Variants in BRK1 observed in about 807,000 individuals in gnomAD.
BRK1 encodes the protein BRICK1 subunit of SCAR/WAVE actin nucleating complex, also known as protein BRICK1.
Under a neutral mutation model 9.9 loss-of-function variants are expected in BRK1, and 6 were observed. The observed-to-expected ratio is 0.60, with a 90% CI of 0.33 to 1.19. The LOEUF is 1.19. Among genes scored for constraint, BRK1 ranks in the 50% most tolerant of loss-of-function variants. BRK1 has a pLI of 0.04. For synonymous variants in BRK1, 44 were observed against 31.9 expected, an observed-to-expected ratio of 1.38 and a Z score of -1.28; for missense variants, 62 against 97.5, an observed-to-expected ratio of 0.64 and a Z score of 1.53.
intron 1 of BRK1, among the ~76,000 whole-genome samples, chr3:10,117,983 T>C (rs930983186): frequency 2.0e-5 from 3 of 152,132 alleles, no homozygotes; most frequent in East Asian, 1.9e-4. Context: ...AAGATTGGCA[T>C]GGTGGCTCAT....
intron 1 of BRK1, among the ~76,000 whole-genome samples, chr3:10,119,431 CTGGG>C (rs1421165470): frequency 1.3e-5 from 2 of 152,132 alleles, no homozygotes; most frequent in Non-Finnish European, 2.9e-5. Flanking sequence ...GTACTCCAGC[CTGGG>C]TGACAGAGTG....
intron 1 of BRK1, 33 bp from the exon 2 acceptor site, chr3:10,125,593 C>T (rs1477563928): frequency 1.4e-6 from 2 of 1,389,458 alleles, no homozygotes; most frequent in Non-Finnish European, 2.0e-6. Flanking sequence ...TTTGGAGTGA[C>T]ATTAATCCTG....
intron 1 of BRK1, among the ~76,000 whole-genome samples, chr3:10,125,360 C>G (rs1001928876): frequency 1.3e-5 from 2 of 152,120 alleles, no homozygotes; most frequent in Non-Finnish European, 2.9e-5. Context: ...CCGCCTAGTC[C>G]TCCCAAAGTG....
chr3:10,116,064 C>G (rs1190716846), intron 1 of BRK1, among the ~76,000 whole-genome samples: 5 of 152,130 alleles, frequency 3.3e-5, no homozygotes, highest in Admixed American at 2.0e-4. Flanking sequence ...ATCCATTCTA[C>G]AAGTCCTTCT....
At chr3:10,117,393 C>CTTTTTT (rs756307171) in intron 1 of BRK1, among the ~76,000 whole-genome samples, 4 of 118,650 alleles carry the variant, frequency 3.4e-5, no homozygotes, top group African/African-American at 6.5e-5. Context: ...TCAACAAATT[C>CTTTTTT]TTTTTTTTTT....
At chr3:10,124,514 C>A (rs748307370) in intron 1 of BRK1, among the ~76,000 whole-genome samples, 1 of 152,056 alleles carries the variant, frequency 6.6e-6, no homozygotes, top group Non-Finnish European at 1.5e-5. Context: ...AAACCACATA[C>A]ATTTATTATT....
chr3:10,119,448 A>T (rs1695729800), intron 1 of BRK1, among the ~76,000 whole-genome samples: 1 of 152,054 alleles, frequency 6.6e-6, no homozygotes, highest in African/African-American at 2.4e-5. Flanking sequence ...ACAGAGTGAG[A>T]CTCTCTCTCA....
chr3:10,124,222 A>G (rs748805237), intron 1 of BRK1, among the ~76,000 whole-genome samples: 7 of 151,554 alleles, frequency 4.6e-5, no homozygotes, highest in Non-Finnish European at 8.8e-5. Flanking sequence ...TGGGAGGCCA[A>G]GGCGGGCGGA....
chr3:10,120,740 A>G (rs1219558364), intron 1 of BRK1, among the ~76,000 whole-genome samples: 1 of 152,112 alleles, frequency 6.6e-6, no homozygotes, highest in Non-Finnish European at 1.5e-5. Context: ...GCAGTTGAAC[A>G]TTTTCTATTT....
rs1695843655 is a variant in BRK1, at chr3:10,126,557, A to AT, written c.*265dup. 1 of 406,584 alleles carries AT rather than the reference A, an allele frequency of 2.5e-6. No individual in the cohort carries two copies. The highest frequency in any genetic ancestry group is 4.4e-6 in the Non-Finnish European group (1 of 226,652). The allele number at this position is 406,584 out of a possible 1,614,324, so 25.2% of individuals were successfully genotyped here. On this transcript the variant is annotated 3_prime_UTR_variant, in exon 3 of 3. Coordinates refer to ENST00000530758, the MANE Select transcript of BRK1 (RefSeq NM_018462.5). ...ATTTTATACATCTACTTGTCAATGT[A>AT]TTTGAGACATTCACAGCCAAAAGCC...
At chr3:10,116,046 C>T (rs1159262226) in intron 1 of BRK1, among the ~76,000 whole-genome samples, 3 of 152,174 alleles carry the variant, frequency 2.0e-5, no homozygotes, top group Non-Finnish European at 2.9e-5. Context: ...TTCCTGCCAT[C>T]CCTCTGGATC....
At chr3:10,116,097 A>G (rs966380529) in intron 1 of BRK1, among the ~76,000 whole-genome samples, 4 of 151,970 alleles carry the variant, frequency 2.6e-5, no homozygotes, top group Admixed American at 2.0e-4. Context: ...AGGCAGCCCC[A>G]TCCTCGCTCC....
chr3:10,116,958 C>T (rs1695694266), intron 1 of BRK1, among the ~76,000 whole-genome samples: 1 of 152,262 alleles, frequency 6.6e-6, no homozygotes, highest in East Asian at 1.9e-4. Context: ...GGACTATAAT[C>T]GTGGCTGAGT....
chr3:10,116,333 GTC>G (rs1695684479), intron 1 of BRK1, among the ~76,000 whole-genome samples: 1 of 152,108 alleles, frequency 6.6e-6, no homozygotes, highest in Non-Finnish European at 1.5e-5. Flanking sequence ...TGTTTCCTGT[GTC>G]TGCTGCGGTG....
chr3:10,122,418 A>G (rs1349816503), intron 1 of BRK1, among the ~76,000 whole-genome samples: 2 of 152,142 alleles, frequency 1.3e-5, no homozygotes, highest in African/African-American at 2.4e-5. Context: ...CAAATTAGAA[A>G]TTCAGAGGCT....
chr3:10,124,865 T>A (rs1695815301), intron 1 of BRK1, among the ~76,000 whole-genome samples: 1 of 152,194 alleles, frequency 6.6e-6, no homozygotes, highest in South Asian at 2.1e-4. Flanking sequence ...TCTTCCACTT[T>A]CAAAGCCAAC....
In BRK1 at chr3:10,121,173, AG is replaced by A. The variant is rs528583456; in HGVS notation, c.119-4449del. Reference sequence around the variant, plus strand: ...AAAGATTAGTGGTTCCCAGGGACTGAGGGGTGACAGAATGGGGAGTGACAGG... The same window carrying A: ...AAAGATTAGTGGTTCCCAGGGACTGAGGGTGACAGAATGGGGAGTGACAGG... On this transcript the variant is annotated intron_variant, in intron 1 of 2. Coordinates refer to ENST00000530758, the MANE Select transcript of BRK1 (RefSeq NM_018462.5). Among the ~76,000 whole-genome samples, 215 of 152,308 alleles carry A rather than the reference AG, an allele frequency of 1.4e-3. 1 individual carries two copies. The highest frequency in any genetic ancestry group is 4.9e-3 in the African/African-American group (202 of 41,584).
chr3:10,124,226 G>A (rs1001595164), intron 1 of BRK1, among the ~76,000 whole-genome samples: 16 of 151,704 alleles, frequency 1.1e-4, no homozygotes, highest in East Asian at 2.0e-4. Context: ...AGGCCAAGGC[G>A]GGCGGATCAC....
In BRK1 at chr3:10,126,419, T is replaced by C. The variant is rs1438604159; in HGVS notation, c.*124T>C. The C allele has an allele frequency of 1.1e-6, 1 of 939,972 alleles. No individual in the cohort carries two copies. Among genetic ancestry groups the C allele is most frequent in the Admixed American group, 2.7e-5 (1 of 37,248 alleles). 58.2% of individuals were successfully genotyped at this position (939,972 alleles called of 1,614,324 possible). A position where few individuals can be genotyped will look rare whatever the true frequency, so the allele number is the denominator to read the frequency against. On this transcript the variant is annotated 3_prime_UTR_variant, in exon 3 of 3. Coordinates refer to ENST00000530758, the MANE Select transcript of BRK1 (RefSeq NM_018462.5). ...CAACAGGGCTTATTCTTGTTTTTCT[T>C]TTTTCAAAAGTGTGGCCTTTGGGCT...
Sources: allele counts gnomAD v4.1 joint callset (sites outside exome capture counted in the v4.1 genomes callset), GRCh38; gene constraint gnomAD v4.1.1; transcripts MANE v1.5; gene names NCBI Gene and HGNC (gene_info 2026-07-23, HGNC 2026-07-21).